The following MAOB variants were observed in gnomAD, a reference collection of about 807,000 sequenced individuals.
MAOB encodes amine oxidase [flavin-containing] B.
MAOB carries 15 observed loss-of-function variants against 41.9 expected under a neutral mutation model. The observed-to-expected ratio is 0.36, with a 90% CI of 0.24 to 0.55. The LOEUF is 0.55. MAOB is among the 20% of genes least tolerant of loss of function. The pLI, the probability that MAOB is intolerant of heterozygous loss-of-function variation, is 0.86. For missense variants in MAOB, 345 were observed against 398.7 expected, an observed-to-expected ratio of 0.87 and a Z score of 1.15; for synonymous variants, 167 against 144.2, an observed-to-expected ratio of 1.16 and a Z score of -1.13.
At chrX:43,857,155 AGAGAGAGAGAAGAAGAGAG>A (rs2035302130) in intron 1 of MAOB, among the ~76,000 whole-genome samples, 1 of 60,160 alleles carries the variant, frequency 1.7e-5, no homozygotes, top group African/African-American at 7.5e-5. Context: ...AGAGAGAGAG[AGAGAGAGAGAAGAAGAGAG>A]AGAGAGAGAG....
intron 3 of MAOB, among the ~76,000 whole-genome samples, chrX:43,814,064 A>C (rs1381917092): frequency 9.1e-6 from 1 of 110,250 alleles, no homozygotes; most frequent in African/African-American, 3.3e-5. Flanking sequence ...AATCATGTGA[A>C]TATCTGGAGG....
chrX:43,773,573 G>T (rs2034214040), intron 12 of MAOB, among the ~76,000 whole-genome samples: 1 of 112,453 alleles, frequency 8.9e-6, no homozygotes, highest in African/African-American at 3.2e-5. Flanking sequence ...ATACGATTTG[G>T]CTCTGTGTCC....
chrX:43,850,859 C>A (rs868205039), intron 1 of MAOB, among the ~76,000 whole-genome samples: 54 of 112,124 alleles, frequency 4.8e-4, no homozygotes, highest in African/African-American at 1.6e-3. Context: ...TCTCCAGATG[C>A]AGCCGCTTTG....
chrX:43,832,852 T>G (rs912366973), intron 3 of MAOB, among the ~76,000 whole-genome samples: 1 of 111,340 alleles, frequency 9.0e-6, no homozygotes, highest in Non-Finnish European at 1.9e-5. Context: ...AAACAGACTT[T>G]TATAAAGAAT....
chrX:43,798,758 A>G (rs1239645119), intron 5 of MAOB, among the ~76,000 whole-genome samples: 7 of 111,720 alleles, frequency 6.3e-5, no homozygotes, highest in African/African-American at 2.3e-4. Flanking sequence ...AATGCTGACA[A>G]TGGTTGGGAT....
intron 10 of MAOB, among the ~76,000 whole-genome samples, chrX:43,779,258 C>G (rs986442680): frequency 8.9e-6 from 1 of 111,788 alleles, no homozygotes; most frequent in African/African-American, 3.3e-5. Context: ...TTTGAACCCA[C>G]AGGGAAAAGA....
chrX:43,789,160 G>A (rs777418245), intron 8 of MAOB, among the ~76,000 whole-genome samples: 10 of 112,034 alleles, frequency 8.9e-5, no homozygotes, highest in African/African-American at 3.2e-4. Flanking sequence ...CATCACATGA[G>A]GTCAGATATG....
chrX:43,815,681 C>T (rs2034803839), intron 3 of MAOB, among the ~76,000 whole-genome samples: 1 of 111,869 alleles, frequency 8.9e-6, no homozygotes, highest in South Asian at 3.7e-4. Context: ...GGCCAGAGTC[C>T]AGGAAGATGA....
intron 2 of MAOB, among the ~76,000 whole-genome samples, chrX:43,841,360 T>A (rs751008543): frequency 1.8e-5 from 2 of 111,367 alleles, no homozygotes; most frequent in East Asian, 2.8e-4. Flanking sequence ...TTTAAAAAAA[T>A]AAAAGCTGAA....
chrX:43,768,756 A>T lies in MAOB; in HGVS notation c.1348-40T>A, dbSNP rs2034142804. On this transcript the variant is annotated intron_variant, in intron 13 of 14. Coordinates refer to ENST00000378069, the MANE Select transcript of MAOB (RefSeq NM_000898.5). The stretch of plus-strand genomic sequence containing the variant: ...CACACTGGCAAATAGCAAAAGTGAC[A>T]CCATCTTTCTTCTAATCTGCTCCCT... 4.7e-6 allele frequency: 5 copies of T among 1,072,917 alleles called. No homozygotes were observed. In the South Asian group the frequency reaches 9.4e-5, roughly 20 times the overall value. 88.4% of individuals were successfully genotyped at this position (1,072,917 alleles called of 1,213,427 possible). A position where few individuals can be genotyped will look rare whatever the true frequency, so the allele number is the denominator to read the frequency against.
At chrX:43,795,452 T>C (rs186963722) in intron 7 of MAOB, among the ~76,000 whole-genome samples, 1 of 111,090 alleles carries the variant, frequency 9.0e-6, no homozygotes, top group Non-Finnish European at 1.9e-5. Flanking sequence ...GAGGCTTCCT[T>C]ATGTAGGCAC....
intron 1 of MAOB, among the ~76,000 whole-genome samples, chrX:43,847,201 G>C (rs945871698): frequency 1.8e-5 from 2 of 110,707 alleles, no homozygotes; most frequent in Non-Finnish European, 3.8e-5. Flanking sequence ...AAAATTACCC[G>C]GGTGTGGTGG....
intron 1 of MAOB, among the ~76,000 whole-genome samples, chrX:43,850,682 C>T (rs753548847): frequency 8.9e-6 from 1 of 112,057 alleles, no homozygotes; most frequent in Non-Finnish European, 1.9e-5. Context: ...AACATGATAA[C>T]CTTTGCTCTC....
At chrX:43,854,703 TG>T (rs754066811) in intron 1 of MAOB, among the ~76,000 whole-genome samples, 34 of 111,820 alleles carry the variant, frequency 3.0e-4, no homozygotes, top group Non-Finnish European at 6.4e-4. Context: ...GTTCCAGCTT[TG>T]GAGCTGTAAG....
intron 11 of MAOB, among the ~76,000 whole-genome samples, chrX:43,775,759 T>C (rs1442220108): frequency 8.9e-6 from 1 of 111,974 alleles, no homozygotes; most frequent in Non-Finnish European, 1.9e-5. Flanking sequence ...CAAGCACTTC[T>C]GTTGATGGTG....
chrX:43,788,657 G>A (rs888779156), intron 8 of MAOB, among the ~76,000 whole-genome samples: 13 of 111,366 alleles, frequency 1.2e-4, no homozygotes, highest in South Asian at 3.8e-4. Flanking sequence ...TTCAGTTGTC[G>A]AAAGGGGTTA....
intron 3 of MAOB, among the ~76,000 whole-genome samples, chrX:43,807,466 C>G (rs774269184): frequency 8.9e-6 from 1 of 112,511 alleles, no homozygotes; most frequent in East Asian, 2.8e-4. Flanking sequence ...GCCGCTAACT[C>G]CACTGCACCA....
intron 3 of MAOB, among the ~76,000 whole-genome samples, chrX:43,831,000 T>C (rs1025428388): frequency 1.1e-5 from 1 of 90,681 alleles, no homozygotes; most frequent in Non-Finnish European, 2.2e-5. Flanking sequence ...ATTAAGTGTG[T>C]GTGTGTGTGT....
chrX:43,793,617 T>C (rs2034489373), intron 7 of MAOB, 39 bp from the exon 8 acceptor site: 1 of 1,089,848 alleles, frequency 9.2e-7, no homozygotes, highest in African/African-American at 1.9e-5. Flanking sequence ...TGTTGCCGTG[T>C]TGCTTTTGTT....
Sources: allele counts gnomAD v4.1 joint callset (sites outside exome capture counted in the v4.1 genomes callset), GRCh38; gene constraint gnomAD v4.1.1; transcripts MANE v1.5; gene names NCBI Gene and HGNC (gene_info 2026-07-23, HGNC 2026-07-21).